The following P4HA1 variants were observed in gnomAD, a reference collection of about 807,000 sequenced individuals.
P4HA1 encodes prolyl 4-hydroxylase subunit alpha-1.
Under a neutral mutation model 72.8 loss-of-function variants are expected in P4HA1, and 24 were observed. That is an observed-to-expected ratio of 0.33 (90% CI 0.24 to 0.46). P4HA1 has a LOEUF of 0.46. Ranked by LOEUF, P4HA1 falls within the 20% of genes least tolerant of loss-of-function variation. P4HA1 has a pLI of 1.00. For synonymous variants in P4HA1, 201 were observed against 218.8 expected (o/e 0.92, Z 0.72); for missense variants, 446 against 640.6 (o/e 0.70, Z 3.28).
chr10:73,008,519 G>A (rs1373172229), intron 14 of P4HA1, among the ~76,000 whole-genome samples: 1 of 152,118 alleles, frequency 6.6e-6, no homozygotes. Flanking sequence ...GTACATACAT[G>A]TATGTATACA....
intron 1 of P4HA1, among the ~76,000 whole-genome samples, chr10:73,093,121 TAAA>T (rs200388165): frequency 6.6e-5 from 9 of 135,358 alleles, no homozygotes; most frequent in Non-Finnish European, 9.7e-5. Flanking sequence ...TCCTATCTCT[TAAA>T]AAAAAAAAAA....
At chr10:73,050,298 T>C (rs1319467741) in intron 7 of P4HA1, among the ~76,000 whole-genome samples, 1 of 151,984 alleles carries the variant, frequency 6.6e-6, no homozygotes, top group Non-Finnish European at 1.5e-5. Flanking sequence ...CCCAAACATA[T>C]GTAATAGTAT....
At chr10:73,045,905 C>T (rs113861592) in intron 8 of P4HA1, among the ~76,000 whole-genome samples, 45 of 148,386 alleles carry the variant, frequency 3.0e-4, no homozygotes, top group Non-Finnish European at 6.1e-4. Flanking sequence ...TTTGGAGAAG[C>T]AGAAAAACTC....
At chr10:73,040,532 G>A (rs182566838) in intron 9 of P4HA1, among the ~76,000 whole-genome samples, 1 of 148,624 alleles carries the variant, frequency 6.7e-6, no homozygotes, top group Non-Finnish European at 1.5e-5. Context: ...CTGGAGTGCA[G>A]TGGCATGATC....
At chr10:73,047,229 G>A in intron 7 of P4HA1, 128 bp from the exon 8 acceptor site, 2 of 699,768 alleles carry the variant, frequency 2.9e-6, no homozygotes, top group Non-Finnish European at 2.4e-6. Context: ...ACATACAAAA[G>A]AAGCAGTACT....
intron 1 of P4HA1, among the ~76,000 whole-genome samples, chr10:73,096,545 T>G: frequency 2.0e-5 from 3 of 150,044 alleles, no homozygotes; most frequent in African/African-American, 4.9e-5. Flanking sequence ...GGGACAGAGG[T>G]GGGAAGGGGG....
chr10:73,053,394 G>A lies in P4HA1; in HGVS notation c.660C>T (p.Asp220=). 4 of 1,614,016 alleles carry A rather than the reference G, an allele frequency of 2.5e-6. No individual in the cohort carries two copies. In the South Asian group the frequency reaches 4.4e-5, roughly 18 times the overall value. The change falls in exon 6 of 15, where the codon GAC becomes GAT. Residue 220 remains aspartate, a synonymous_variant. Transcript: ENST00000394890. ...TTGTGAGCAAAAGTGCCTTATCCAG[G>A]TCTCCCTGCTGATATACCGCATAGC... ...YLSYAVYQQG[D]LDKALLLTKK...
rs79902334 is a variant in P4HA1, at chr10:73,053,679, C to T, written c.464-89G>A. Reference sequence around the variant, plus strand: ...ACACAGCTTTCAAAATGCTGTCTCACTTCTATTTGAAGTTCACAATAATCC... The same window carrying T: ...ACACAGCTTTCAAAATGCTGTCTCATTTCTATTTGAAGTTCACAATAATCC... On this transcript the variant is annotated intron_variant, in intron 5 of 14. Coordinates refer to ENST00000394890, the MANE Select transcript of P4HA1 (RefSeq NM_001017962.3). 4.7e-3 allele frequency: 5,466 copies of T among 1,167,308 alleles called. 156 individuals are homozygous for T. In the African/African-American group the frequency reaches 0.074, roughly 16 times the overall value. The allele number at this position is 1,167,308 out of a possible 1,614,324, so 72.3% of individuals were successfully genotyped here. A position where few individuals can be genotyped will look rare whatever the true frequency, so the allele number is the denominator to read the frequency against.
At chr10:73,095,636 G>T (rs1387708517) in intron 1 of P4HA1, among the ~76,000 whole-genome samples, 1 of 151,696 alleles carries the variant, frequency 6.6e-6, no homozygotes, top group Non-Finnish European at 1.5e-5. Context: ...CATTCCAAGC[G>T]AAAGTCCGAG....
chr10:73,068,249 A>G (rs952867784), intron 5 of P4HA1, among the ~76,000 whole-genome samples: 9 of 152,354 alleles, frequency 5.9e-5, no homozygotes, highest in African/African-American at 2.2e-4. Context: ...TTTCAATGTG[A>G]AGACACAGAC....
At chr10:73,050,994 T>G in intron 7 of P4HA1, 59 bp downstream of exon 7, 2 of 1,178,368 alleles carry the variant, frequency 1.7e-6, no homozygotes, top group Non-Finnish European at 2.5e-6. Context: ...TCTCCAGAAC[T>G]GTGTACAAAC....
chr10:73,062,063 G>A (rs1841326467), intron 5 of P4HA1, among the ~76,000 whole-genome samples: 1 of 152,166 alleles, frequency 6.6e-6, no homozygotes, highest in Non-Finnish European at 1.5e-5. Context: ...AGATATGCAT[G>A]TTGAATTATT....
chr10:73,049,126 A>T (rs1443995711), intron 7 of P4HA1, among the ~76,000 whole-genome samples: 1 of 150,006 alleles, frequency 6.7e-6, no homozygotes, highest in East Asian at 2.0e-4. Context: ...CAGAGAAAAA[A>T]AAAAGAAAAT....
chr10:73,009,733 T>C (rs1839871678), intron 14 of P4HA1, 74 bp downstream of exon 14: 2 of 851,440 alleles, frequency 2.3e-6, no homozygotes, highest in Non-Finnish European at 3.9e-6. Flanking sequence ...GCTTTTGTTT[T>C]TAAGACACAG....
chr10:73,084,241 GAAGTT>G (rs1405929032), intron 1 of P4HA1, among the ~76,000 whole-genome samples: 1 of 152,194 alleles, frequency 6.6e-6, no homozygotes, highest in Non-Finnish European at 1.5e-5. Context: ...TATAAATTAT[GAAGTT>G]AAGTAAGGCA....
intron 9 of P4HA1, among the ~76,000 whole-genome samples, chr10:73,031,444 C>A (rs1840430576): frequency 6.6e-6 from 1 of 152,176 alleles, no homozygotes; most frequent in Non-Finnish European, 1.5e-5. Flanking sequence ...ATGATCACAC[C>A]ACTGCACTCC....
chr10:73,058,039 A>C (rs1841194430), intron 5 of P4HA1, among the ~76,000 whole-genome samples: 1 of 144,750 alleles, frequency 6.9e-6, no homozygotes, highest in Non-Finnish European at 1.5e-5. Flanking sequence ...GCAGTGGGCC[A>C]AGATTGCACC....
intron 14 of P4HA1, among the ~76,000 whole-genome samples, chr10:73,009,044 A>G (rs1158176573): frequency 6.6e-6 from 1 of 152,068 alleles, no homozygotes; most frequent in Admixed American, 6.6e-5. Context: ...ACAACAGAAA[A>G]CAGCTTTCTA....
intron 7 of P4HA1, among the ~76,000 whole-genome samples, chr10:73,049,720 CTT>C (rs1412118141): frequency 6.6e-6 from 1 of 152,142 alleles, no homozygotes; most frequent in Non-Finnish European, 1.5e-5. Flanking sequence ...CTGTTGAAAA[CTT>C]TCTGCATTTT....
Sources: allele counts gnomAD v4.1 joint callset (sites outside exome capture counted in the v4.1 genomes callset), GRCh38; gene constraint gnomAD v4.1.1; transcripts MANE v1.5; gene names NCBI Gene and HGNC (gene_info 2026-07-23, HGNC 2026-07-21).